The following ZC3H3 variants were observed in gnomAD, a reference collection of about 807,000 sequenced individuals.
ZC3H3 encodes the protein zinc finger CCCH domain-containing protein 3.
A neutral mutation model predicts 77.3 loss-of-function variants in ZC3H3; 36 were observed. The ratio of observed to expected loss-of-function variants is 0.47; its 90% CI spans 0.36 to 0.61. The LOEUF (loss-of-function observed/expected upper bound fraction) is 0.61. ZC3H3 is among the 20% of genes least tolerant of loss of function. ZC3H3 has a pLI of 0.00. For synonymous variants in ZC3H3, 626 were observed against 555.2 expected (o/e 1.13, Z -1.79); for missense variants, 1,331 against 1,312.2 (o/e 1.01, Z -0.22).
intron 3 of ZC3H3, among the ~76,000 whole-genome samples, chr8:143,511,886 C>G (rs1002262877): frequency 6.6e-6 from 1 of 152,250 alleles, no homozygotes; most frequent in Admixed American, 6.5e-5. Context: ...CCCAAGCCTC[C>G]GCAGGCTTCA....
At chr8:143,442,449 A>AGGGGGGGGGGGG (rs1563831552) in intron 9 of ZC3H3, among the ~76,000 whole-genome samples, 3 of 79,864 alleles carry the variant, frequency 3.8e-5, no homozygotes, top group East Asian at 4.9e-4. Flanking sequence ...GGGGGGGGGC[A>AGGGGGGGGGGGG]GGGGCAGTGG....
At chr8:143,523,446 G>A (rs1243901695) in intron 3 of ZC3H3, 7 of 985,302 alleles carry the variant, frequency 7.1e-6, no homozygotes, top group Non-Finnish European at 8.4e-6. Flanking sequence ...CAGGGAGGGT[G>A]GTGTTTGCAG....
intron 4 of ZC3H3, chr8:143,484,889 C>T (rs563355963): frequency 2.2e-6 from 1 of 455,542 alleles, no homozygotes; most frequent in Non-Finnish European, 4.4e-6. Flanking sequence ...GGCTCAGCTC[C>T]CTGGAAAGGC....
intron 3 of ZC3H3, among the ~76,000 whole-genome samples, chr8:143,529,182 G>C (rs983245532): frequency 6.6e-6 from 1 of 152,222 alleles, no homozygotes; most frequent in African/African-American, 2.4e-5. Context: ...AGGGCCAGTC[G>C]AGAGAAAGCG....
rs145448057 is a variant in ZC3H3 at position 143,438,916 on chromosome 8, C to T, written c.2816-829G>A. On this transcript the variant is annotated intron_variant, in intron 11 of 11. Transcript: ENST00000262577. ...CGTCAGCCTGCCCCTGCGGTGGCCG[C>T]TCCAGCAGCAGCTCCAGCTTCCTGC... Among the ~76,000 whole-genome samples, 1,348 of 152,314 alleles carry T rather than the reference C, an allele frequency of 8.9e-3. 16 individuals are homozygous for T. The highest frequency in any genetic ancestry group is 0.028 in the African/African-American group (1,150 of 41,574).
chr8:143,520,971 G>C (rs576454134), intron 3 of ZC3H3, among the ~76,000 whole-genome samples: 140 of 152,316 alleles, frequency 9.2e-4, no homozygotes, highest in Non-Finnish European at 1.6e-3. Context: ...AGGCTTCATA[G>C]CAGCAAGTTT....
At chr8:143,501,085 G>C (rs1377160706) in intron 4 of ZC3H3, among the ~76,000 whole-genome samples, 1 of 151,558 alleles carries the variant, frequency 6.6e-6, no homozygotes, top group African/African-American at 2.4e-5. Flanking sequence ...CCAAAGTTCT[G>C]GGATTACAGG....
chr8:143,470,662 G>A (rs2129885398), intron 5 of ZC3H3, among the ~76,000 whole-genome samples: 1 of 152,380 alleles, frequency 6.6e-6, no homozygotes, highest in East Asian at 1.9e-4. Flanking sequence ...GTGCCCGCCT[G>A]GCAGGACCGG....
intron 9 of ZC3H3, among the ~76,000 whole-genome samples, chr8:143,452,127 C>A (rs184101050): frequency 2.0e-5 from 3 of 152,372 alleles, no homozygotes; most frequent in East Asian, 1.9e-4. Context: ...AACCACTGCA[C>A]CCCCAGCCAG....
intron 4 of ZC3H3, among the ~76,000 whole-genome samples, chr8:143,477,970 G>A (rs1563850134): frequency 6.6e-6 from 1 of 152,110 alleles, no homozygotes; most frequent in Non-Finnish European, 1.5e-5. Flanking sequence ...CCAGCTCCCT[G>A]CCTCCCCACA....
At chr8:143,534,901 C>A (rs958415625) in intron 3 of ZC3H3, among the ~76,000 whole-genome samples, 1 of 152,066 alleles carries the variant, frequency 6.6e-6, no homozygotes, top group Non-Finnish European at 1.5e-5. Context: ...GCTGCAACAC[C>A]CGGCTGCATC....
Position 143,462,477 on chromosome 8 carries a change from C to G in ZC3H3, c.2307+3240G>C, listed in dbSNP as rs434835. 6.6e-6 allele frequency among the ~76,000 whole-genome samples: 1 copy of G among 152,342 alleles called. No individual in the cohort carries two copies. Among genetic ancestry groups the G allele is most frequent in the East Asian group, 1.9e-4 (1 of 5,190 alleles). On this transcript the variant is annotated intron_variant, in intron 9 of 11. Transcript: ENST00000262577. This position sits in a 1 kb window ranked among gnomAD's most constrained non-coding sequence, Gnocchi z 4.7. ...CGAAAGCAAGGCACCAACAGAGAAGCGCTGTATGTGAACAAAACCAAGACA... is the reference window on the plus strand; with the variant it reads ...CGAAAGCAAGGCACCAACAGAGAAGGGCTGTATGTGAACAAAACCAAGACA...
chr8:143,500,524 G>C, intron 4 of ZC3H3, among the ~76,000 whole-genome samples: 1 of 152,236 alleles, frequency 6.6e-6, no homozygotes, highest in East Asian at 1.9e-4. Context: ...TCCATTTTCT[G>C]CTGCTATAAC....
At chr8:143,540,183 G>C (rs1462622679) in intron 1 of ZC3H3, among the ~76,000 whole-genome samples, 1 of 151,956 alleles carries the variant, frequency 6.6e-6, no homozygotes, top group Non-Finnish European at 1.5e-5. Flanking sequence ...CCCTTTGTGA[G>C]AGTAAAAGCA....
At chr8:143,528,868 C>T (rs944301394) in intron 3 of ZC3H3, among the ~76,000 whole-genome samples, 2 of 152,218 alleles carry the variant, frequency 1.3e-5, no homozygotes, top group Non-Finnish European at 2.9e-5. Flanking sequence ...CAGGAGCTGC[C>T]GCAGCCTGAG....
At chr8:143,464,027 T>C (rs1442675959) in intron 9 of ZC3H3, among the ~76,000 whole-genome samples, 2 of 152,248 alleles carry the variant, frequency 1.3e-5, no homozygotes, top group African/African-American at 4.8e-5. Flanking sequence ...TGGGGCCCAT[T>C]TGAGGACTTC....
intron 4 of ZC3H3, among the ~76,000 whole-genome samples, chr8:143,481,609 C>G (rs934120312): frequency 2.6e-5 from 4 of 152,160 alleles, no homozygotes; most frequent in African/African-American, 9.7e-5. Flanking sequence ...GTGGAGCCGG[C>G]GAGGGGACAT....
At position 143,520,315 on chromosome 8, in the gene ZC3H3, C is replaced by T. The variant is rs1177922572; in HGVS notation, c.1562-12416G>A. ...GGGGGCAGGCTCCCCTGCTGGACCC[C>T]GACTTGGGAGGAAGTAAGAGCACCC... is the stretch of plus-strand genomic sequence containing the variant. On this transcript the variant is annotated intron_variant, in intron 3 of 11. Transcript: ENST00000262577. 3.3e-5 allele frequency among the ~76,000 whole-genome samples: 5 copies of T among 152,334 alleles called. No individual in the cohort carries two copies. In the East Asian group the frequency reaches 7.7e-4, roughly 24 times the overall value.
intron 4 of ZC3H3, among the ~76,000 whole-genome samples, chr8:143,502,456 G>T (rs937831544): frequency 1.3e-5 from 2 of 152,166 alleles, no homozygotes; most frequent in Non-Finnish European, 2.9e-5. Flanking sequence ...TCAAAATCCT[G>T]GCCTAACTCT....
Sources: gnomAD v4.1 joint callset for allele counts (sites outside exome capture counted in the v4.1 genomes callset) on GRCh38, gnomAD v4.1.1 for gene constraint, Gnocchi (gnomAD v3.1) non-coding constraint, MANE v1.5 for transcripts, NCBI Gene and HGNC (gene_info 2026-07-23, HGNC 2026-07-21) for gene names.